CLASP1: variants seen among roughly 807,000 people sequenced by gnomAD.
The protein encoded by CLASP1 is CLIP-associating protein 1.
CLASP1 carries 38 observed loss-of-function variants against 192.3 expected under a neutral mutation model. The ratio of observed to expected loss-of-function variants is 0.20; its 90% CI spans 0.15 to 0.26. The LOEUF (loss-of-function observed/expected upper bound fraction) is 0.26. Among genes scored for constraint, CLASP1 ranks in the 10% least tolerant of loss-of-function variants. CLASP1 has a pLI of 1.00. For missense variants in CLASP1, 1,433 were observed against 1,932.5 expected, an observed-to-expected ratio of 0.74 and a Z score of 4.85; for synonymous variants, 691 against 712.8, an observed-to-expected ratio of 0.97 and a Z score of 0.49.
At chr2:121,596,387 G>A (rs2063146613) in intron 2 of CLASP1, among the ~76,000 whole-genome samples, 1 of 152,298 alleles carries the variant, frequency 6.6e-6, no homozygotes, top group South Asian at 2.1e-4. Context: ...CGAGGAGACT[G>A]CCAGAAAAGG....
intron 16 of CLASP1, among the ~76,000 whole-genome samples, chr2:121,450,648 C>T (rs563009486): frequency 6.6e-6 from 1 of 152,160 alleles, no homozygotes; most frequent in Non-Finnish European, 1.5e-5. Context: ...ATGTATACAA[C>T]TGCCTTCCAG....
intron 30 of CLASP1, among the ~76,000 whole-genome samples, chr2:121,395,200 C>T (rs2075082626): frequency 6.6e-6 from 1 of 152,000 alleles, no homozygotes; most frequent in African/African-American, 2.4e-5. Context: ...AGACACCAAG[C>T]AGAGGACCCA....
chr2:121,603,443 T>C (rs949411926), intron 2 of CLASP1, among the ~76,000 whole-genome samples: 1 of 152,208 alleles, frequency 6.6e-6, no homozygotes, highest in Admixed American at 6.5e-5. Flanking sequence ...GATGAGGATG[T>C]AGCAGAGAAA....
chr2:121,451,069 T>G (rs886779076), intron 15 of CLASP1, 79 bp from the exon 16 acceptor site: 1 of 989,524 alleles, frequency 1.0e-6, no homozygotes, highest in East Asian at 2.4e-5. Context: ...GAGAAATAAC[T>G]TCCAAATGGC....
chr2:121,427,005 T>TG (rs1169755312), intron 21 of CLASP1, among the ~76,000 whole-genome samples: 2 of 151,820 alleles, frequency 1.3e-5, no homozygotes, highest in Non-Finnish European at 2.9e-5. Flanking sequence ...AATTTATATG[T>TG]GTGTTTATTT....
chr2:121,380,471 C>T lies in CLASP1; in HGVS notation c.3491+1737G>A, dbSNP rs560078726. Among the ~76,000 whole-genome samples, 322 of 152,264 alleles carry T rather than the reference C, an allele frequency of 2.1e-3. 1 individual carries two copies. Among genetic ancestry groups the T allele is most frequent in the African/African-American group, 7.3e-3 (303 of 41,524 alleles). On this transcript the variant is annotated intron_variant, in intron 33 of 39. Transcript: ENST00000263710. ...GAATTCCTTAATCAGCCAATAGTCA[C>T]TGACCTAAGGTTAGGCCATGCCACC...
intron 6 of CLASP1, among the ~76,000 whole-genome samples, chr2:121,518,949 A>C (rs1205641397): frequency 6.6e-6 from 1 of 152,224 alleles, no homozygotes; most frequent in African/African-American, 2.4e-5. Context: ...AATACTATTA[A>C]AGTGTATCAC....
rs536857267 is a variant in CLASP1 at position 121,453,824 on chromosome 2, G to A, written c.1386-1975C>T. On this transcript the variant is annotated intron_variant, in intron 14 of 39. Coordinates refer to ENST00000263710, the Ensembl canonical transcript of CLASP1. Reference sequence around the variant, plus strand: ...GTAATCCATTTGTTACCAATTCTACGAAGCGAAGCTAAGTACAGGCTGAAT... The same window carrying A: ...GTAATCCATTTGTTACCAATTCTACAAAGCGAAGCTAAGTACAGGCTGAAT... Among the ~76,000 whole-genome samples, 18 of 152,238 alleles carry A rather than the reference G, an allele frequency of 1.2e-4. No individual in the cohort carries two copies. The South Asian group carries it at 1.7e-3, about 14-fold the overall frequency.
At chr2:121,387,262 G>T in intron 31 of CLASP1, 34 bp from the exon 33 acceptor site, 1 of 1,373,426 alleles carries the variant, frequency 7.3e-7, no homozygotes, top group Non-Finnish European at 9.9e-7. Flanking sequence ...CGTTATTCAA[G>T]GGCTGTATAT....
At chr2:121,429,931 G>T in intron 20 of CLASP1, 142 bp downstream of exon 20, 1 of 619,242 alleles carries the variant, frequency 1.6e-6, no homozygotes, top group Non-Finnish European at 2.8e-6. Flanking sequence ...CCAACAAACA[G>T]TAAGATTACT....
chr2:121,497,571 A>G (rs1559440204), intron 8 of CLASP1, among the ~76,000 whole-genome samples: 2 of 152,222 alleles, frequency 1.3e-5, no homozygotes, highest in Admixed American at 1.3e-4. Flanking sequence ...GTAACCAGGG[A>G]AAAAGCACTG....
intron 21 of CLASP1, among the ~76,000 whole-genome samples, chr2:121,426,536 C>T (rs1187789642): frequency 6.6e-6 from 1 of 152,040 alleles, no homozygotes; most frequent in Non-Finnish European, 1.5e-5. Flanking sequence ...TGTATAAAAA[C>T]ACACACTTCC....
rs1359850885 is a variant in CLASP1 at position 121,479,033 on chromosome 2, CCA to C, written c.713-9075_713-9074del. ...CACACACACCACACACACACACACC[CCA>C]CACACACACACACCCCCCCCCCACA... On this transcript the variant is annotated intron_variant, in intron 8 of 39. Transcript: ENST00000263710. Among the ~76,000 whole-genome samples the C allele has an allele frequency of 8.3e-3, 492 of 59,004 alleles. 34 individuals are homozygous for C. Among genetic ancestry groups the C allele is most frequent in the African/African-American group, 0.037 (441 of 11,762 alleles). 38.7% of individuals were successfully genotyped at this position (59,004 alleles called of 152,430 possible). A position where few individuals can be genotyped will look rare whatever the true frequency, so the allele number is the denominator to read the frequency against.
At position 121,469,847 on chromosome 2, in the gene CLASP1, G is replaced by A. The variant is rs754298542; in HGVS notation, c.826C>T (p.Arg276Cys). The change falls in exon 9 of 40, where the codon CGC becomes TGC. Residue 276 changes from arginine (R) to cysteine (C), a missense_variant. Coordinates refer to ENST00000263710, the Ensembl canonical transcript of CLASP1. ...CCAAGGGTGGATGAACCAAGCCGGC[G>A]GGTGGTTCCCATTCCAACGTTTCTC... The A allele has an allele frequency of 6.2e-6, 10 of 1,613,500 alleles. No individual in the cohort carries two copies. The South Asian group carries it at 6.6e-5, about 11-fold the overall frequency.
chr2:121,642,516 G>C (rs181103379), intron 1 of CLASP1, among the ~76,000 whole-genome samples: 1 of 151,900 alleles, frequency 6.6e-6, no homozygotes, highest in Non-Finnish European at 1.5e-5. Context: ...TGGATCACTT[G>C]AGGTCAGGAG....
intron 24 of CLASP1, 87 bp from the exon 26 acceptor site, chr2:121,407,802 CAAAG>C (rs2077135372): frequency 6.8e-7 from 1 of 1,461,152 alleles, no homozygotes; most frequent in Admixed American, 1.7e-5. Flanking sequence ...AAATCTACAA[CAAAG>C]AGTTAAGTGT....
At chr2:121,478,793 CCACACACCACA>C (rs780293886) in intron 8 of CLASP1, among the ~76,000 whole-genome samples, 8,808 of 43,644 alleles carry the variant, frequency 0.2, 746 homozygotes, top group Middle Eastern at 0.38. Flanking sequence ...CCCACACACA[CCACACACCACA>C]CACACACCCC....
chr2:121,629,300 G>T (rs929292531), intron 1 of CLASP1, among the ~76,000 whole-genome samples: 1 of 151,822 alleles, frequency 6.6e-6, no homozygotes. Context: ...TGAGGTGGGA[G>T]AATGGCATGA....
chr2:121,458,953 T>A, exon 13 of CLASP1: 1 of 1,610,224 alleles, frequency 6.2e-7, no homozygotes, highest in South Asian at 1.1e-5. Flanking sequence ...TCAAACTTAT[T>A]CCCCAGAACT....
Sources: allele counts gnomAD v4.1 joint callset (sites outside exome capture counted in the v4.1 genomes callset), GRCh38; gene constraint gnomAD v4.1.1; transcripts MANE v1.5; gene names NCBI Gene and HGNC (gene_info 2026-07-23, HGNC 2026-07-21).